The following JPH3 variants were observed in gnomAD, a reference collection of about 807,000 sequenced individuals.
JPH3 encodes the protein junctophilin 3.
A neutral mutation model predicts 59.6 loss-of-function variants in JPH3; 11 were observed. The ratio of observed to expected loss-of-function variants is 0.18; its 90% CI spans 0.12 to 0.31. The LOEUF (loss-of-function observed/expected upper bound fraction) is 0.31, where lower values mean the gene tolerates loss of function less well. Ranked by LOEUF, JPH3 falls within the 10% of genes least tolerant of loss-of-function variation. The pLI is 1.00. For synonymous variants in JPH3, 673 were observed against 483.6 expected (o/e 1.39, Z -5.14); for missense variants, 1,202 against 1,105.7 (o/e 1.09, Z -1.24).
rs376618775 is a variant in JPH3 at position 87,640,474 on chromosome 16, T to G, written c.383-3784T>G. Among the ~76,000 whole-genome samples the G allele has an allele frequency of 1.2e-4, 18 of 151,784 alleles. No individual in the cohort carries two copies. The East Asian group carries it at 1.6e-3, about 13-fold the overall frequency. ...GGCATGATCTGTGCTCACTGTAACC[T>G]CCACCTCCCAGGTTCAAGTGATCCT... is the stretch of plus-strand genomic sequence containing the variant. On this transcript the variant is annotated intron_variant, in intron 1 of 4. Coordinates refer to ENST00000284262, the MANE Select transcript of JPH3 (RefSeq NM_020655.4).
At chr16:87,662,278 G>C (rs2032729418) in intron 2 of JPH3, among the ~76,000 whole-genome samples, 1 of 152,166 alleles carries the variant, frequency 6.6e-6, no homozygotes, top group South Asian at 2.1e-4. Context: ...TGAGTGTGAG[G>C]AACCCGGTGT....
chr16:87,649,070 A>AG (rs1201953035), intron 2 of JPH3, among the ~76,000 whole-genome samples: 3 of 152,250 alleles, frequency 2.0e-5, no homozygotes, highest in South Asian at 2.1e-4. Context: ...AGTGGAGACG[A>AG]GGGAGGGGTG....
intron 1 of JPH3, among the ~76,000 whole-genome samples, chr16:87,643,947 G>A (rs980570322): frequency 6.6e-6 from 1 of 152,148 alleles, no homozygotes; most frequent in African/African-American, 2.4e-5. Flanking sequence ...AACCAGCCTG[G>A]CCAACATAAT....
At chr16:87,678,491 A>G (rs1430146405) in intron 2 of JPH3, among the ~76,000 whole-genome samples, 1 of 152,136 alleles carries the variant, frequency 6.6e-6, no homozygotes, top group African/African-American at 2.4e-5. Context: ...GTGAGCCGAG[A>G]TCATGCCACT....
intron 4 of JPH3, 47 bp downstream of exon 4, chr16:87,690,573 C>T (rs1380761050): frequency 2.9e-5 from 41 of 1,426,044 alleles, no homozygotes; most frequent in Non-Finnish European, 3.8e-5. Context: ...CAACATCCAC[C>T]TCTCTGCTGA....
chr16:87,619,700 A>T (rs1290994639), intron 1 of JPH3, among the ~76,000 whole-genome samples: 1 of 152,202 alleles, frequency 6.6e-6, no homozygotes, highest in Non-Finnish European at 1.5e-5. Context: ...ATGTTGGGCC[A>T]CACAAGTATC....
At chr16:87,605,951 G>C (rs2030502892) in intron 1 of JPH3, among the ~76,000 whole-genome samples, 1 of 152,216 alleles carries the variant, frequency 6.6e-6, no homozygotes. Flanking sequence ...TGGCAACATG[G>C]CATGACAGGA....
chr16:87,681,006 C>G (rs534171117), intron 2 of JPH3, among the ~76,000 whole-genome samples: 1 of 152,188 alleles, frequency 6.6e-6, no homozygotes, highest in Non-Finnish European at 1.5e-5. Flanking sequence ...GAGGTCTGAA[C>G]AGCCGGGGAA....
At chr16:87,670,715 A>G (rs2032992904) in intron 2 of JPH3, among the ~76,000 whole-genome samples, 1 of 152,214 alleles carries the variant, frequency 6.6e-6, no homozygotes, top group African/African-American at 2.4e-5. Flanking sequence ...AAAACCACGG[A>G]AGTACATTGA....
rs540612742 is a variant in JPH3 at position 87,620,896 on chromosome 16, C to T, written c.382+17368C>T. ...GGCCCCTGGGCTGGGTACGGTGGCT[C>T]GCGCCTATAATCCCAGCACTTTGGG... On this transcript the variant is annotated intron_variant, in intron 1 of 4. Coordinates refer to ENST00000284262, the MANE Select transcript of JPH3 (RefSeq NM_020655.4). 3.3e-5 allele frequency among the ~76,000 whole-genome samples: 5 copies of T among 152,232 alleles called. No individual in the cohort carries two copies. In the East Asian group the frequency reaches 5.8e-4, roughly 18 times the overall value.
intron 2 of JPH3, among the ~76,000 whole-genome samples, chr16:87,658,023 T>G (rs2032564806): frequency 6.6e-6 from 1 of 152,138 alleles, no homozygotes; most frequent in Non-Finnish European, 1.5e-5. Flanking sequence ...TTCCTGGGTG[T>G]GGAGGGGACT....
intron 2 of JPH3, among the ~76,000 whole-genome samples, chr16:87,667,811 T>C (rs867794028): frequency 1.9e-4 from 29 of 150,834 alleles, no homozygotes; most frequent in Middle Eastern, 3.4e-3. Flanking sequence ...TGTTTTTGTT[T>C]GTTTTGTTTT....
rs377378251 is a variant in JPH3 at position 87,644,938 on chromosome 16, C to T, written c.1063C>T (p.Arg355Trp). The T allele has an allele frequency of 3.3e-5, 53 of 1,612,154 alleles. No individual in the cohort carries two copies. The highest frequency in any genetic ancestry group is 4.5e-5 in the East Asian group (2 of 44,840). Residue 355 changes from arginine to tryptophan, a missense_variant, in exon 2 of 5, where the codon CGG becomes TGG. Coordinates refer to ENST00000284262, the MANE Select transcript of JPH3 (RefSeq NM_020655.4). The stretch of plus-strand genomic sequence containing the variant: ...CAAGCGCAAGAACCTCATCCCCCTG[C>T]GGGCCAGCAAGATCCGCGAGAAGGT... The part of the protein sequence containing the change: ...GGKRKNLIPL[R>W]ASKIREKVDR...
At chr16:87,645,059 G>A (rs376350533) in intron 2 of JPH3, 24 bp downstream of exon 2, 1 of 1,581,324 alleles carries the variant, frequency 6.3e-7, no homozygotes, top group Non-Finnish European at 8.5e-7. Flanking sequence ...GGGGCGGGGG[G>A]CCCTTCTTGG....
At chr16:87,663,698 G>A (rs1381271372) in intron 2 of JPH3, among the ~76,000 whole-genome samples, 2 of 152,028 alleles carry the variant, frequency 1.3e-5, no homozygotes, top group Non-Finnish European at 2.9e-5. Context: ...CAACTTCCCC[G>A]TCTCCACTGC....
At chr16:87,665,773 C>G (rs1422699355) in intron 2 of JPH3, among the ~76,000 whole-genome samples, 1 of 152,244 alleles carries the variant, frequency 6.6e-6, no homozygotes, top group African/African-American at 2.4e-5. Context: ...GCCTCCTTCC[C>G]CAGCCCATCC....
intron 2 of JPH3, among the ~76,000 whole-genome samples, chr16:87,645,540 C>T (rs528084291): frequency 3.9e-4 from 60 of 152,290 alleles, no homozygotes; most frequent in Middle Eastern, 3.4e-3. Flanking sequence ...AGGCCAATTC[C>T]GAGTGCCTGG....
In JPH3 at chr16:87,697,042, C is replaced by T. The variant is rs541416282; in HGVS notation, c.*382C>T. 1.1e-5 allele frequency: 3 copies of T among 279,680 alleles called. No individual in the cohort carries two copies. The highest frequency in any genetic ancestry group is 2.1e-5 in the Non-Finnish European group (3 of 143,378). The allele number at this position is 279,680 out of a possible 1,614,324, so 17.3% of individuals were successfully genotyped here. A position where few individuals can be genotyped will look rare whatever the true frequency, so the allele number is the denominator to read the frequency against. On this transcript the variant is annotated 3_prime_UTR_variant, in exon 5 of 5. Coordinates refer to ENST00000284262, the MANE Select transcript of JPH3 (RefSeq NM_020655.4). ...AGGGCAGCCCGGGGCAGAGCCTCAGCCCCGCGGCCCCTGAGTGGCAGGGCT... is the reference window on the plus strand; with the variant it reads ...AGGGCAGCCCGGGGCAGAGCCTCAGTCCCGCGGCCCCTGAGTGGCAGGGCT...
chr16:87,690,448 C>G lies in JPH3; in HGVS notation c.2088C>G (p.Thr696=), dbSNP rs543275147. 1.3e-6 allele frequency: 2 copies of G among 1,486,820 alleles called. No individual in the cohort carries two copies. The highest frequency in any genetic ancestry group is 1.4e-5 in the African/African-American group (1 of 70,616). The allele number at this position is 1,486,820 out of a possible 1,614,324, so 92.1% of individuals were successfully genotyped here. A position where few individuals can be genotyped will look rare whatever the true frequency, so the allele number is the denominator to read the frequency against. Residue 696 remains threonine (T), a synonymous_variant, in exon 4 of 5, where the codon ACC becomes ACG. Transcript: ENST00000284262. Reference sequence around the variant, plus strand: ...CCCGGTTGCTGCGTTGGGACTTGACCTTCTCCCCGCCCCAGAAATCCTTGC... The same window carrying G: ...CCCGGTTGCTGCGTTGGGACTTGACGTTCTCCCCGCCCCAGAAATCCTTGC... ...AEPRLLRWDL[T]FSPPQKSLPV...
Sources: allele counts gnomAD v4.1 joint callset (sites outside exome capture counted in the v4.1 genomes callset), GRCh38; gene constraint gnomAD v4.1.1; transcripts MANE v1.5; gene names NCBI Gene and HGNC (gene_info 2026-07-23, HGNC 2026-07-21).